Variants in ASXL1 observed in about 807,000 individuals in gnomAD.
ASXL1 encodes ASXL transcriptional regulator 1, also known as polycomb group protein ASXL1.
ASXL1 carries 65 observed loss-of-function variants against 89.1 expected under a neutral mutation model. The observed-to-expected ratio is 0.73, with a 90% confidence interval of 0.60 to 0.90. ASXL1 has a LOEUF of 0.90. Among genes scored for constraint, ASXL1 ranks in the 40% least tolerant of loss-of-function variants. The pLI is 0.00. For synonymous variants in ASXL1, 739 were observed against 746.9 expected, an observed-to-expected ratio of 0.99 and a Z score of 0.17; for missense variants, 1,786 against 1,942.9, an observed-to-expected ratio of 0.92 and a Z score of 1.52.
chr20:32,372,711 C>T (rs909433662), intron 4 of ASXL1, among the ~76,000 whole-genome samples: 1 of 151,934 alleles, frequency 6.6e-6, no homozygotes, highest in Non-Finnish European at 1.5e-5. Flanking sequence ...TCTCCTGCCT[C>T]AGCCTCCCGA....
In ASXL1 at chr20:32,367,779, C is replaced by T. The variant is rs150714430; in HGVS notation, c.143+50C>T. The T allele has an allele frequency of 2.2e-4, 171 of 780,310 alleles. No homozygotes were observed. The African/African-American group carries it at 2.7e-3, about 12-fold the overall frequency. 48.3% of individuals were successfully genotyped at this position (780,310 alleles called of 1,614,324 possible). On this transcript the variant is annotated intron_variant, in intron 3 of 12. Coordinates refer to ENST00000375687, the MANE Select transcript of ASXL1 (RefSeq NM_015338.6). ...TGGAATTGAGAACCTTAACTTGTTT[C>T]TGCTTCTTGTTCTTAGAGGAATTAT...
intron 1 of ASXL1, chr20:32,360,647 T>A (rs1464692627): frequency 6.4e-6 from 1 of 155,508 alleles, no homozygotes; most frequent in African/African-American, 2.4e-5. Context: ...ATGAAATCTG[T>A]TTGTCTCAAA....
intron 1 of ASXL1, among the ~76,000 whole-genome samples, chr20:32,364,210 C>CTAT (rs777091746): frequency 6.6e-6 from 1 of 151,996 alleles, no homozygotes; most frequent in Non-Finnish European, 1.5e-5. Flanking sequence ...TATTTGCTTT[C>CTAT]TATTATTATT....
intron 4 of ASXL1, among the ~76,000 whole-genome samples, chr20:32,421,865 T>C (rs1210203202): frequency 1.6e-5 from 2 of 127,074 alleles, no homozygotes; most frequent in East Asian, 3.1e-4. Flanking sequence ...TGGTTTCTTT[T>C]CTTTTTTTTT....
intron 4 of ASXL1, among the ~76,000 whole-genome samples, chr20:32,373,271 A>G (rs1439606740): frequency 6.6e-6 from 1 of 151,866 alleles, no homozygotes; most frequent in African/African-American, 2.4e-5. Context: ...TAGCTACCCA[A>G]GAGGCTGAGG....
chr20:32,406,918 C>T (rs1276290855), intron 4 of ASXL1, among the ~76,000 whole-genome samples: 1 of 152,172 alleles, frequency 6.6e-6, no homozygotes, highest in Non-Finnish European at 1.5e-5. Context: ...AGCCTCAGGC[C>T]TCCACTTTTG....
At chr20:32,407,481 G>A (rs1291859537) in intron 4 of ASXL1, among the ~76,000 whole-genome samples, 1 of 150,396 alleles carries the variant, frequency 6.6e-6, no homozygotes, top group East Asian at 1.9e-4. Flanking sequence ...TCTTTTTTTT[G>A]AGACAGGGTC....
At chr20:32,359,870 C>T (rs1247172978) in intron 1 of ASXL1, 2 of 716,904 alleles carry the variant, frequency 2.8e-6, no homozygotes, top group Non-Finnish European at 5.2e-6. Context: ...CTGCTGATAC[C>T]AGTAGTAACA....
chr20:32,434,495 C>T lies in ASXL1; in HGVS notation c.1783C>T (p.Pro595Ser). 1 of 1,614,088 alleles carries T rather than the reference C, an allele frequency of 6.2e-7. No homozygotes were observed. Among genetic ancestry groups the T allele is most frequent in the South Asian group, 1.1e-5 (1 of 91,076 alleles). The stretch of plus-strand genomic sequence containing the variant: ...AGGTCAGCCCACTTACCAGATATGC[C>T]CCCGGATCATCCCCACCACGGAGTC... ...VKGQPTYQIC[P>S]RIIPTTESSC... The change falls in exon 13 of 13, where the codon CCC becomes TCC. Residue 595 changes from proline (P) to serine (S), a missense_variant. This residue lies in a region of ASXL1 where 1,418 missense variants were observed against 1,427.8 expected (regional missense o/e 0.99). Transcript: ENST00000375687.
Position 32,433,950 on chromosome 20 carries a change from A to T in ASXL1, c.1719+33A>T, listed in dbSNP as rs1203200938. ...ACTGTTTGATTCCTGGCTGCCCTGGAGCCAGGTTTTCTTTGAGGGTCATGA... is the reference window on the plus strand; with the variant it reads ...ACTGTTTGATTCCTGGCTGCCCTGGTGCCAGGTTTTCTTTGAGGGTCATGA... On this transcript the variant is annotated intron_variant, in intron 12 of 12. Coordinates refer to ENST00000375687, the MANE Select transcript of ASXL1 (RefSeq NM_015338.6). 1.9e-6 allele frequency: 3 copies of T among 1,610,704 alleles called. No individual in the cohort carries two copies. The African/African-American group carries it at 4.0e-5, about 22-fold the overall frequency.
At chr20:32,359,048 C>CT (rs1165989794) in intron 1 of ASXL1, 2 of 611,260 alleles carry the variant, frequency 3.3e-6, no homozygotes, top group African/African-American at 3.7e-5. Flanking sequence ...CTCGCGCCCC[C>CT]CCCGCCCCGC....
Position 32,434,526 on chromosome 20 carries a change from G to T in ASXL1, c.1814G>T (p.Cys605Phe), listed in dbSNP as rs772781848. 1.9e-6 allele frequency: 3 copies of T among 1,613,876 alleles called. No homozygotes were observed. The South Asian group carries it at 3.3e-5, about 18-fold the overall frequency. Residue 605 changes from cysteine (C) to phenylalanine (F), a missense_variant, in exon 13 of 13, where the codon TGC becomes TTC. This residue lies in a region of ASXL1 where 1,418 missense variants were observed against 1,427.8 expected (regional missense o/e 0.99). Transcript: ENST00000375687. ...PRIIPTTESS[C>F]RGWTGARTLA... Reference sequence around the variant, plus strand: ...ATCATCCCCACCACGGAGTCCTCCTGCCGGGGTTGGACTGGCGCCAGGACC... The same window carrying T: ...ATCATCCCCACCACGGAGTCCTCCTTCCGGGGTTGGACTGGCGCCAGGACC...
At chr20:32,404,169 C>T (rs1175079292) in intron 4 of ASXL1, among the ~76,000 whole-genome samples, 1 of 152,168 alleles carries the variant, frequency 6.6e-6, no homozygotes, top group Non-Finnish European at 1.5e-5. Flanking sequence ...CTTTATCTCC[C>T]TGCCCCCTTC....
intron 4 of ASXL1, among the ~76,000 whole-genome samples, chr20:32,369,391 G>A (rs1320553482): frequency 2.0e-5 from 3 of 152,058 alleles, no homozygotes; most frequent in African/African-American, 7.2e-5. Flanking sequence ...TGGGACTACA[G>A]GCACATGCCA....
intron 4 of ASXL1, among the ~76,000 whole-genome samples, chr20:32,399,673 A>T (rs951453941): frequency 7.1e-6 from 1 of 140,292 alleles, no homozygotes; most frequent in Non-Finnish European, 1.5e-5. Flanking sequence ...GTGCCTTTGA[A>T]TTTACTTTCT....
chr20:32,421,406 A>T (rs1450475299), intron 4 of ASXL1, among the ~76,000 whole-genome samples: 1 of 152,138 alleles, frequency 6.6e-6, no homozygotes, highest in African/African-American at 2.4e-5. Flanking sequence ...GCTTCAAATA[A>T]TGGTGAGGAT....
chr20:32,395,384 T>G (rs1474372249), intron 4 of ASXL1, among the ~76,000 whole-genome samples: 2 of 152,218 alleles, frequency 1.3e-5, no homozygotes, highest in African/African-American at 4.8e-5. Context: ...ATTTTAATCT[T>G]TGTTCTTCAG....
chr20:32,358,681 CCCCACCGCCGCCGCCG>C lies in ASXL1; in HGVS notation c.-91_-76del. On this transcript the variant is annotated 5_prime_UTR_variant, in exon 1 of 13. Coordinates refer to ENST00000375687, the MANE Select transcript of ASXL1 (RefSeq NM_015338.6). Reference sequence around the variant, plus strand: ...GCGCGCCGCCGCTGCCACGCGCCCCCCCCACCGCCGCCGCCGCCCCAGCCCCGCGCCACCGCCCCAG... The same window carrying C: ...GCGCGCCGCCGCTGCCACGCGCCCCCCCCCAGCCCCGCGCCACCGCCCCAG... 2.1e-6 allele frequency: 1 copy of C among 484,362 alleles called. No individual in the cohort carries two copies. The highest frequency in any genetic ancestry group is 2.8e-6 in the Non-Finnish European group (1 of 357,308). 30.0% of individuals were successfully genotyped at this position (484,362 alleles called of 1,614,324 possible). A position where few individuals can be genotyped will look rare whatever the true frequency, so the allele number is the denominator to read the frequency against.
chr20:32,434,297 A>G, intron 12 of ASXL1, 135 bp from the exon 13 acceptor site: 5 of 1,164,654 alleles, frequency 4.3e-6, no homozygotes, highest in Non-Finnish European at 6.3e-6. Context: ...TACTATGATG[A>G]TTTCATTGTT....
Sources: allele counts gnomAD v4.1 joint callset (sites outside exome capture counted in the v4.1 genomes callset), GRCh38; gene constraint gnomAD v4.1.1; regional missense constraint gnomAD v4.1.1; transcripts MANE v1.5; gene names NCBI Gene and HGNC (gene_info 2026-07-23, HGNC 2026-07-21).